OSBPL10: variants seen among roughly 807,000 people sequenced by gnomAD.
The protein encoded by OSBPL10 is oxysterol binding protein like 10.
A neutral mutation model predicts 81.7 loss-of-function variants in OSBPL10; 49 were observed. The observed-to-expected ratio is 0.60, with a 90% CI of 0.48 to 0.76. The LOEUF is 0.76. OSBPL10 is among the 30% of genes least tolerant of loss of function. OSBPL10 has a pLI of 0.00. For synonymous variants in OSBPL10, 419 were observed against 383.6 expected (o/e 1.09, Z -1.08); for missense variants, 923 against 987.8 (o/e 0.93, Z 0.88).
At chr3:31,708,093 T>A (rs1696130283) in intron 6 of OSBPL10, among the ~76,000 whole-genome samples, 1 of 152,182 alleles carries the variant, frequency 6.6e-6, no homozygotes, top group African/African-American at 2.4e-5. Flanking sequence ...GGTCTTCAGT[T>A]AAAATTTTTA....
chr3:31,727,315 C>T (rs755545207), intron 6 of OSBPL10, among the ~76,000 whole-genome samples: 1 of 151,866 alleles, frequency 6.6e-6, no homozygotes, highest in African/African-American at 2.4e-5. Context: ...GTTAAACAAC[C>T]ACTCGAGTTT....
At chr3:31,814,879 T>C (rs1699796697) in intron 4 of OSBPL10, among the ~76,000 whole-genome samples, 1 of 152,190 alleles carries the variant, frequency 6.6e-6, no homozygotes, top group Non-Finnish European at 1.5e-5. Context: ...TAGATTAAAG[T>C]TGGCCAAGAA....
At chr3:31,980,001 AT>A (rs1698786642) in intron 1 of OSBPL10, among the ~76,000 whole-genome samples, 1 of 146,842 alleles carries the variant, frequency 6.8e-6, no homozygotes, top group African/African-American at 2.6e-5. Flanking sequence ...ATTTTATTTT[AT>A]TTTATTTATT....
chr3:31,708,478 C>T (rs1218168431), intron 6 of OSBPL10, among the ~76,000 whole-genome samples: 2 of 152,126 alleles, frequency 1.3e-5, no homozygotes, highest in Non-Finnish European at 2.9e-5. Flanking sequence ...AGATCCAGTC[C>T]GACTCTGTAT....
At chr3:31,698,086 ACCCCTGC>A (rs1695783948) in intron 7 of OSBPL10, among the ~76,000 whole-genome samples, 1 of 151,604 alleles carries the variant, frequency 6.6e-6, no homozygotes, top group South Asian at 2.1e-4. Flanking sequence ...TTCTACCCTG[ACCCCTGC>A]TGTTCACACC....
intron 3 of OSBPL10, among the ~76,000 whole-genome samples, chr3:31,832,150 C>G (rs537792877): frequency 6.6e-6 from 1 of 152,278 alleles, no homozygotes; most frequent in South Asian, 2.1e-4. Context: ...CAAAATATAG[C>G]TTTTCCAACA....
chr3:31,830,308 G>A (rs1700209784), intron 3 of OSBPL10, 77 bp from the exon 4 acceptor site: 3 of 1,414,976 alleles, frequency 2.1e-6, no homozygotes, highest in Admixed American at 2.2e-5. Flanking sequence ...TATTCATTTT[G>A]GACCTCTTCA....
intron 2 of OSBPL10, among the ~76,000 whole-genome samples, chr3:32,036,023 TACTTCATTA>T (rs1418822632): frequency 1.3e-5 from 2 of 152,202 alleles, no homozygotes; most frequent in Non-Finnish European, 2.9e-5. Context: ...CTACTCTGCA[TACTTCATTA>T]TGTATATTTT....
At chr3:31,672,103 T>C (rs1700337132) in intron 8 of OSBPL10, among the ~76,000 whole-genome samples, 2 of 152,004 alleles carry the variant, frequency 1.3e-5, no homozygotes, top group South Asian at 4.2e-4. Context: ...CTTCCTGGGC[T>C]TCCAGTCCTC....
chr3:32,021,605 T>G (rs559011908), intron 2 of OSBPL10, among the ~76,000 whole-genome samples: 1 of 152,340 alleles, frequency 6.6e-6, no homozygotes, highest in East Asian at 1.9e-4. Context: ...ACCTTTTTCA[T>G]GTACTTGTTA....
chr3:32,030,599 C>G, intron 2 of OSBPL10: 1 of 1,204,018 alleles, frequency 8.3e-7, no homozygotes, highest in Non-Finnish European at 1.2e-6. Flanking sequence ...CCTGCTCCAC[C>G]CAGAGAAGCA....
chr3:31,707,591 T>TG (rs1418601730), intron 6 of OSBPL10, among the ~76,000 whole-genome samples: 2 of 152,132 alleles, frequency 1.3e-5, no homozygotes, highest in Non-Finnish European at 2.9e-5. Context: ...ATGATCTTTT[T>TG]GGGGAAATCT....
intron 2 of OSBPL10, among the ~76,000 whole-genome samples, chr3:32,015,059 T>C (rs1160814828): frequency 1.3e-5 from 2 of 152,226 alleles, no homozygotes; most frequent in Non-Finnish European, 2.9e-5. Context: ...CCCATCAAGC[T>C]ACCAATGACT....
At chr3:31,989,506 C>T (rs4639011) in intron 2 of OSBPL10, 41,938 of 1,614,112 alleles carry the variant, frequency 0.026, 1,925 homozygotes, top group African/African-American at 0.2. Context: ...CAGATATGAT[C>T]GAAGGCATCC....
At chr3:31,900,189 A>G (rs1289430293) in intron 1 of OSBPL10, among the ~76,000 whole-genome samples, 1 of 147,932 alleles carries the variant, frequency 6.8e-6, no homozygotes, top group Non-Finnish European at 1.5e-5. Context: ...ATGCCAGGCT[A>G]ATTTTTGTGG....
chr3:31,965,473 A>AGT (rs1487623271), intron 1 of OSBPL10, among the ~76,000 whole-genome samples: 1 of 104,170 alleles, frequency 9.6e-6, no homozygotes, highest in Non-Finnish European at 1.8e-5. Flanking sequence ...TATAATATAT[A>AGT]TTATATATTA....
intron 4 of OSBPL10, among the ~76,000 whole-genome samples, chr3:31,817,060 G>A (rs1031464665): frequency 3.9e-5 from 6 of 152,120 alleles, no homozygotes; most frequent in African/African-American, 1.4e-4. Context: ...TGCTCTGGCT[G>A]AGCCCAGGGC....
intron 2 of OSBPL10, among the ~76,000 whole-genome samples, chr3:32,022,004 A>G (rs1699367357): frequency 6.6e-6 from 1 of 151,816 alleles, no homozygotes; most frequent in African/African-American, 2.4e-5. Flanking sequence ...AAAACAAAAT[A>G]TGTATATTCT....
chr3:31,910,366 GGC>G (rs1696539157), intron 1 of OSBPL10, among the ~76,000 whole-genome samples: 1 of 151,958 alleles, frequency 6.6e-6, no homozygotes, highest in African/African-American at 2.4e-5. Context: ...CGGGCGCGGT[GGC>G]TCACGCCTGT....
Sources: allele counts gnomAD v4.1 joint callset (sites outside exome capture counted in the v4.1 genomes callset), GRCh38; gene constraint gnomAD v4.1.1; transcripts MANE v1.5; gene names NCBI Gene and HGNC (gene_info 2026-07-23, HGNC 2026-07-21).